The following RBFOX1 variants were observed in gnomAD, a reference collection of about 807,000 sequenced individuals.
The protein encoded by RBFOX1 is RNA binding fox-1 homolog 1.
A neutral mutation model predicts 57.7 loss-of-function variants in RBFOX1; 8 were observed. The ratio of observed to expected loss-of-function variants is 0.14; its 90% CI spans 0.08 to 0.25. The LOEUF is 0.25. RBFOX1 is among the 10% of genes least tolerant of loss of function. RBFOX1 has a pLI of 1.00. For missense variants in RBFOX1, 611 were observed against 548.5 expected, an observed-to-expected ratio of 1.11 and a Z score of -1.14; for synonymous variants, 326 against 222.4, an observed-to-expected ratio of 1.47 and a Z score of -4.15.
chr16:7,067,367 A>G (rs1489911623), intron 4 of RBFOX1, among the ~76,000 whole-genome samples: 2 of 152,078 alleles, frequency 1.3e-5, no homozygotes, highest in South Asian at 2.1e-4. Context: ...TTAGGTCAGA[A>G]TTTCAACAAG....
chr16:5,453,779 A>G (rs2068499373), intron 1 of RBFOX1, among the ~76,000 whole-genome samples: 1 of 152,224 alleles, frequency 6.6e-6, no homozygotes, highest in African/African-American at 2.4e-5. Flanking sequence ...GCCTAAAAAT[A>G]TAATTGATAT....
At chr16:7,646,866 T>A (rs2063837230) in intron 11 of RBFOX1, among the ~76,000 whole-genome samples, 1 of 152,152 alleles carries the variant, frequency 6.6e-6, no homozygotes, top group Non-Finnish European at 1.5e-5. Flanking sequence ...GTAAGCACCA[T>A]GTTCGTAAAA....
chr16:5,369,111 C>T (rs62017734), intron 1 of RBFOX1, among the ~76,000 whole-genome samples: 4,620 of 152,228 alleles, frequency 0.03, 100 homozygotes, highest in Middle Eastern at 0.078. Flanking sequence ...AAGCAGTTCT[C>T]CTGTCTCAGC....
intron 4 of RBFOX1, among the ~76,000 whole-genome samples, chr16:7,235,926 C>G (rs535041669): frequency 7.9e-5 from 12 of 152,272 alleles, no homozygotes; most frequent in African/African-American, 2.9e-4. Flanking sequence ...AATGTTCTCT[C>G]TTAATGACAG....
At chr16:6,850,074 G>A (rs539682975) in intron 3 of RBFOX1, among the ~76,000 whole-genome samples, 13 of 152,158 alleles carry the variant, frequency 8.5e-5, no homozygotes, top group African/African-American at 3.1e-4. Context: ...CTTCTTAACC[G>A]AGTCGATTGA....
intron 4 of RBFOX1, among the ~76,000 whole-genome samples, chr16:7,381,043 T>G (rs1304735864): frequency 4.6e-5 from 7 of 152,204 alleles, no homozygotes; most frequent in Non-Finnish European, 1.0e-4. Flanking sequence ...TCTACATGAG[T>G]GTTTAATATT....
chr16:5,696,394 T>A (rs558905876), intron 3 of RBFOX1, among the ~76,000 whole-genome samples: 1 of 152,348 alleles, frequency 6.6e-6, no homozygotes, highest in South Asian at 2.1e-4. Flanking sequence ...ACAGCAGAAT[T>A]TGTTAACCAT....
intron 1 of RBFOX1, among the ~76,000 whole-genome samples, chr16:6,252,448 G>T (rs2097623696): frequency 6.6e-6 from 1 of 152,152 alleles, no homozygotes; most frequent in Admixed American, 6.6e-5. Context: ...TTCTTAAAGT[G>T]TAGTTTTGCA....
intron 3 of RBFOX1, among the ~76,000 whole-genome samples, chr16:6,935,834 G>A (rs1465417245): frequency 6.6e-6 from 1 of 152,150 alleles, no homozygotes; most frequent in African/African-American, 2.4e-5. Flanking sequence ...AGTTTATCCG[G>A]GGCCAGGATA....
intron 1 of RBFOX1, among the ~76,000 whole-genome samples, chr16:5,287,130 C>A (rs915524453): frequency 1.3e-5 from 2 of 152,066 alleles, no homozygotes; most frequent in African/African-American, 4.8e-5. Flanking sequence ...TATAGTGAGA[C>A]CCTGTCTCTG....
chr16:6,944,028 T>C (rs1193114333), intron 3 of RBFOX1, among the ~76,000 whole-genome samples: 2 of 152,024 alleles, frequency 1.3e-5, no homozygotes, highest in Non-Finnish European at 2.9e-5. Flanking sequence ...TTGGCTGAAG[T>C]TTTTATTTTA....
intron 4 of RBFOX1, among the ~76,000 whole-genome samples, chr16:7,486,815 C>T (rs867285299): frequency 6.6e-6 from 1 of 152,202 alleles, no homozygotes; most frequent in Non-Finnish European, 1.5e-5. Flanking sequence ...CATTGCCTGC[C>T]TCTTCCAGCA....
intron 3 of RBFOX1, among the ~76,000 whole-genome samples, chr16:6,946,032 A>C (rs185824395): frequency 6.6e-6 from 1 of 152,202 alleles, no homozygotes; most frequent in Non-Finnish European, 1.5e-5. Context: ...GCCTACACAG[A>C]TGCTTCACTG....
chr16:6,888,835 T>C (rs891766798), intron 3 of RBFOX1, among the ~76,000 whole-genome samples: 1 of 152,212 alleles, frequency 6.6e-6, no homozygotes, highest in African/African-American at 2.4e-5. Flanking sequence ...CTTCTAACTA[T>C]ATTTTTATGT....
intron 3 of RBFOX1, among the ~76,000 whole-genome samples, chr16:6,768,275 C>G (rs1206355781): frequency 1.3e-5 from 2 of 151,864 alleles, no homozygotes; most frequent in Non-Finnish European, 2.9e-5. Flanking sequence ...CCTGTTTTTG[C>G]TTTTTTAAAC....
intron 3 of RBFOX1, among the ~76,000 whole-genome samples, chr16:5,681,105 G>A (rs575986099): frequency 3.3e-5 from 5 of 151,804 alleles, no homozygotes; most frequent in South Asian, 2.1e-4. Context: ...ATGGAGTCTC[G>A]CTCTGTCACC....
chr16:7,612,669 C>G (rs924405651), intron 10 of RBFOX1, among the ~76,000 whole-genome samples: 2 of 151,988 alleles, frequency 1.3e-5, no homozygotes, highest in African/African-American at 4.8e-5. Context: ...GATATCCAGC[C>G]AATGAAACTG....
At chr16:7,044,795 C>T (rs1007776676) in intron 3 of RBFOX1, among the ~76,000 whole-genome samples, 8 of 152,264 alleles carry the variant, frequency 5.3e-5, no homozygotes, top group African/African-American at 1.9e-4. Flanking sequence ...AAAGAATGCA[C>T]AGGCAGGGTC....
chr16:5,810,584 C>G (rs2055386740), intron 3 of RBFOX1, among the ~76,000 whole-genome samples: 1 of 152,180 alleles, frequency 6.6e-6, no homozygotes, highest in Admixed American at 6.5e-5. Context: ...ATCATCACCT[C>G]CGTAATTTGA....
Sources: allele counts gnomAD v4.1 joint callset (sites outside exome capture counted in the v4.1 genomes callset), GRCh38; gene constraint gnomAD v4.1.1; transcripts MANE v1.5; gene names NCBI Gene and HGNC (gene_info 2026-07-23, HGNC 2026-07-21).